The following CPVL variants were observed in gnomAD, a reference collection of about 807,000 sequenced individuals.
The protein encoded by CPVL is carboxypeptidase vitellogenic like.
CPVL carries 51 observed loss-of-function variants against 63.7 expected under a neutral mutation model. The observed-to-expected ratio is 0.80, with a 90% CI of 0.64 to 1.01. The LOEUF is 1.01. Ranked by LOEUF, CPVL falls within the 50% of genes least tolerant of loss-of-function variation. The pLI is 0.00. For missense variants in CPVL, 530 were observed against 573.1 expected (o/e 0.92, Z 0.77); for synonymous variants, 195 against 206.0 (o/e 0.95, Z 0.46).
chr7:29,182,822 T>C (rs1798224952), intron 4 of CPVL, among the ~76,000 whole-genome samples: 1 of 152,140 alleles, frequency 6.6e-6, no homozygotes, highest in African/African-American at 2.4e-5. Context: ...TAGATGAGAG[T>C]AGAGACAGCA....
chr7:29,082,463 C>A (rs1784825410), intron 7 of CPVL: 1 of 152,224 alleles, frequency 6.6e-6, no homozygotes, highest in Non-Finnish European at 1.5e-5. Flanking sequence ...GGCCTTAAAA[C>A]AGAAGACAAC....
At chr7:29,097,337 G>A (rs1786541355) in intron 3 of CPVL, among the ~76,000 whole-genome samples, 1 of 152,226 alleles carries the variant, frequency 6.6e-6, no homozygotes, top group South Asian at 2.1e-4. Flanking sequence ...AACACTGAGT[G>A]AAGAAGAAAA....
rs116242838 is a variant in CPVL at position 29,179,565 on chromosome 7, C to G, written c.-11+1725G>C. ...CCTAAGTCTTCTTCATAAGCAAGAA[C>G]AAGGCAGATGTTAGTAACACAAATG... On this transcript the variant is annotated intron_variant, in intron 5 of 16. Coordinates refer to the CPVL transcript ENST00000409850. Among the ~76,000 whole-genome samples, 409 of 152,276 alleles carry G rather than the reference C, an allele frequency of 2.7e-3. 2 individuals are homozygous for G. Among genetic ancestry groups the G allele is most frequent in the African/African-American group, 9.3e-3 (386 of 41,548 alleles).
intron 1 of CPVL, chr7:29,194,753 C>T (rs1164342636): frequency 6.6e-6 from 3 of 453,268 alleles, no homozygotes; most frequent in African/African-American, 4.1e-5. Context: ...AAATAAATAG[C>T]GGCGGCGGCA....
At chr7:29,150,209 A>G (rs1793397714), upstream of CPVL, among the ~76,000 whole-genome samples, 1 of 152,154 alleles carries the variant, frequency 6.6e-6, no homozygotes, top group African/African-American at 2.4e-5. Context: ...TGAATCTAGA[A>G]CCTTGCACCT....
chr7:29,057,476 G>C (rs1790855985), intron 11 of CPVL, among the ~76,000 whole-genome samples: 1 of 152,060 alleles, frequency 6.6e-6, no homozygotes, highest in Admixed American at 6.6e-5. Flanking sequence ...CATTGTTTTT[G>C]GTAAAGTAGA....
chr7:28,995,892 A>G lies in CPVL; in HGVS notation c.1321-10T>C. The G allele has an allele frequency of 6.7e-7, 1 of 1,489,794 alleles. No individual in the cohort carries two copies. The highest frequency in any genetic ancestry group is 1.2e-5 in the South Asian group (1 of 82,610). The allele number at this position is 1,489,794 out of a possible 1,614,324, so 92.3% of individuals were successfully genotyped here. The stretch of plus-strand genomic sequence containing the variant: ...CACCTCGAATAATTACCTTAAAAAG[A>G]AAAAGTAAAAGAACGGAAATTTAGA... On this transcript the variant is annotated splice_polypyrimidine_tract_variant and intron_variant, in intron 12 of 12. Transcript: ENST00000265394.
intron 5 of CPVL, among the ~76,000 whole-genome samples, chr7:29,176,720 C>A (rs556534325): frequency 1.3e-5 from 2 of 152,044 alleles, no homozygotes; most frequent in African/African-American, 4.8e-5. Flanking sequence ...CCTAAATTAA[C>A]GTTGACAGTA....
At chr7:29,021,431 T>G (rs1195031571) in intron 12 of CPVL, among the ~76,000 whole-genome samples, 1 of 151,978 alleles carries the variant, frequency 6.6e-6, no homozygotes, top group African/African-American at 2.4e-5. Flanking sequence ...TAATTAGATG[T>G]CAAATAGAAC....
chr7:29,114,194 G>A (rs1295971671), intron 2 of CPVL, among the ~76,000 whole-genome samples: 2 of 152,170 alleles, frequency 1.3e-5, no homozygotes, highest in African/African-American at 4.8e-5. Flanking sequence ...AGGGCTGGTT[G>A]CTAAACTTTT....
At chr7:29,141,851 G>A (rs1368217487) in intron 1 of CPVL, among the ~76,000 whole-genome samples, 1 of 151,848 alleles carries the variant, frequency 6.6e-6, no homozygotes, top group Non-Finnish European at 1.5e-5. Flanking sequence ...GGAGGCAGAG[G>A]TTGCAGTGAG....
chr7:29,179,513 G>C lies in CPVL; in HGVS notation c.-11+1777C>G, dbSNP rs75009971. ...CAGACTCAACACAAATTCTTCAGGA[G>C]TGAGAAGGAAAGATTCTGATACTTG... On this transcript the variant is annotated intron_variant, in intron 5 of 16. Transcript: ENST00000409850. Among the ~76,000 whole-genome samples the C allele has an allele frequency of 7.0e-4, 106 of 152,324 alleles. 2 individuals are homozygous for C. The East Asian group carries it at 0.011, about 16-fold the overall frequency.
intron 11 of CPVL, among the ~76,000 whole-genome samples, chr7:29,035,860 A>G (rs1284442984): frequency 2.0e-5 from 3 of 152,210 alleles, no homozygotes; most frequent in Non-Finnish European, 2.9e-5. Context: ...TGTCAATCAC[A>G]GTGTCCTGCC....
chr7:29,161,359 A>T (rs947712877), intron 5 of CPVL, among the ~76,000 whole-genome samples: 10 of 152,266 alleles, frequency 6.6e-5, no homozygotes, highest in African/African-American at 2.2e-4. Flanking sequence ...AAACCTAAGG[A>T]TTTCACTGAG....
chr7:28,998,232 A>G (rs1784282565), intron 12 of CPVL, among the ~76,000 whole-genome samples: 3 of 152,248 alleles, frequency 2.0e-5, no homozygotes, highest in African/African-American at 2.4e-5. Context: ...GACACTTAAC[A>G]AAGTCATATG....
rs1039554832 is a variant in CPVL, at chr7:29,120,978, G to A, written c.84C>T (p.Tyr28=). The A allele has an allele frequency of 1.2e-6, 2 of 1,613,976 alleles. No homozygotes were observed. Among genetic ancestry groups the A allele is most frequent in the Admixed American group, 1.7e-5 (1 of 59,994 alleles). Residue 28 remains tyrosine (Y), a synonymous_variant, in exon 2 of 13, where the codon TAC becomes TAT. Transcript: ENST00000265394. ...GPCDGLFRSL[Y]RSVSMPPKGD... is the part of the protein sequence containing the mutation. Reference sequence around the variant, plus strand: ...CCTTAGGTGGCATGGAAACACTTCTGTATAGGGAGCGAAACAGCCCATCAC... The same window carrying A: ...CCTTAGGTGGCATGGAAACACTTCTATATAGGGAGCGAAACAGCCCATCAC...
At chr7:29,038,260 T>G (rs889966114) in intron 11 of CPVL, among the ~76,000 whole-genome samples, 10 of 152,202 alleles carry the variant, frequency 6.6e-5, no homozygotes, top group African/African-American at 2.2e-4. Context: ...GGAGGGTGAT[T>G]AGGGGATAAG....
intron 12 of CPVL, among the ~76,000 whole-genome samples, chr7:28,996,505 T>G (rs79618308): frequency 0.088 from 13,199 of 149,658 alleles, 633 homozygotes; most frequent in Middle Eastern, 0.11. Context: ...TCCAGCCTGG[T>G]TGACAGAATG....
chr7:29,022,936 C>T (rs550784061), intron 12 of CPVL, among the ~76,000 whole-genome samples: 10 of 152,388 alleles, frequency 6.6e-5, no homozygotes, highest in Non-Finnish European at 1.0e-4. Context: ...TGCATTCCTT[C>T]CAGGGACCTG....
Sources: allele counts gnomAD v4.1 joint callset (sites outside exome capture counted in the v4.1 genomes callset), GRCh38; gene constraint gnomAD v4.1.1; transcripts MANE v1.5; gene names NCBI Gene and HGNC (gene_info 2026-07-23, HGNC 2026-07-21).